FAT2: variants seen among roughly 807,000 people sequenced by gnomAD.
FAT2 encodes the protein protocadherin Fat 2.
A neutral mutation model predicts 295.3 loss-of-function variants in FAT2; 150 were observed. The observed-to-expected ratio is 0.51, with a 90% CI of 0.44 to 0.58. The LOEUF (loss-of-function observed/expected upper bound fraction) is 0.58, where lower values mean the gene tolerates loss of function less well. Among genes scored for constraint, FAT2 ranks in the 20% least tolerant of loss-of-function variants. The probability of loss-of-function intolerance (pLI) is 0.00; values close to 1 mark genes in which losing one functional copy is unlikely to be tolerated. For synonymous variants in FAT2, 2,026 were observed against 2,150.3 expected, an observed-to-expected ratio of 0.94 and a Z score of 1.60; for missense variants, 4,868 against 5,442.7, an observed-to-expected ratio of 0.89 and a Z score of 3.32.
rs752587349 is a variant in FAT2 at position 151,521,392 on chromosome 5, C to T, written c.11201G>A (p.Gly3734Asp). 6.2e-7 allele frequency: 1 copy of T among 1,614,188 alleles called. No homozygotes were observed. The highest frequency in any genetic ancestry group is 8.5e-7 in the Non-Finnish European group (1 of 1,180,030). The stretch of plus-strand genomic sequence containing the variant: ...ATGCACTGTGTTATGGCAGATTTGA[C>T]CCTGGCAGGTTGGCCCCTGGCAGGG... ...MVPCQGPTCQ[G>D]QICHNTVHLD... The change falls in exon 19 of 24, where the codon GGT becomes GAT. Residue 3734 changes from glycine (G) to aspartate (D), a missense_variant. Gly to Asp is a moderately conservative substitution (Grantham distance 94, BLOSUM62 -1). This residue lies in a region of FAT2 where 1,046 missense variants were observed against 1,210.1 expected (regional missense o/e 0.86). Coordinates refer to ENST00000261800, the MANE Select transcript of FAT2 (RefSeq NM_001447.3).
In FAT2 at chr5:151,542,980, A is replaced by G. The variant is rs141268787; in HGVS notation, c.8147T>C (p.Val2716Ala). The G allele has an allele frequency of 1.1e-4, 181 of 1,614,082 alleles. No homozygotes were observed. The highest frequency in any genetic ancestry group is 1.5e-4 in the Non-Finnish European group (174 of 1,180,042). ...EGSEIGIVKA[V>A]AAQDPVIYSL... ...GTAGATGACTGGATCTTGAGCTGCC[A>G]CTGCTTTAACAATCCCAATTTCAGA... Residue 2716 changes from valine to alanine, a missense_variant, in exon 10 of 24, where the codon GTG becomes GCG. Val to Ala is a moderately conservative substitution (Grantham distance 64, BLOSUM62 0). Transcript: ENST00000261800.
rs190200359 is a variant in FAT2 at position 151,531,401 on chromosome 5, A to G, written c.9811+186T>C. Among the ~76,000 whole-genome samples the G allele has an allele frequency of 6.6e-6, 1 of 152,204 alleles. No individual in the cohort carries two copies. Among genetic ancestry groups the G allele is most frequent in the Admixed American group, 6.5e-5 (1 of 15,290 alleles). On this transcript the variant is annotated intron_variant, in intron 14 of 23. Coordinates refer to ENST00000261800, the MANE Select transcript of FAT2 (RefSeq NM_001447.3). This position sits in a 1 kb window ranked among gnomAD's most constrained non-coding sequence, Gnocchi z 5.7. Reference sequence around the variant, plus strand: ...TCCCGTTTAAGGGAGGCTCCCACATAAGCTGGCCCCAGGGTGGAAGGAGGG... The same window carrying G: ...TCCCGTTTAAGGGAGGCTCCCACATGAGCTGGCCCCAGGGTGGAAGGAGGG...
At chr5:151,532,054 G>A (rs2127592260) in intron 13 of FAT2, 84 bp from the exon 14 acceptor site, 2 of 1,530,574 alleles carry the variant, frequency 1.3e-6, no homozygotes, top group Non-Finnish European at 1.8e-6. Flanking sequence ...CCACAGGAGG[G>A]GCTGGGGAGG....
At chr5:151,573,893 A>G (rs925485440) in intron 1 of FAT2, among the ~76,000 whole-genome samples, 1 of 152,152 alleles carries the variant, frequency 6.6e-6, no homozygotes, top group Non-Finnish European at 1.5e-5. Context: ...TTGAACGTGG[A>G]GGGCTCCTCA....
In FAT2 at chr5:151,567,936, G is replaced by A; in HGVS notation, c.996C>T (p.Ser332=). 1 of 1,614,186 alleles carries A rather than the reference G, an allele frequency of 6.2e-7. No individual in the cohort carries two copies. The highest frequency in any genetic ancestry group is 2.2e-5 in the East Asian group (1 of 44,892). ...WMEYLHGFNL[S]LQARSGSGPY... ...GGCCGCTCCCACTCCTGGCCTGGAG[G>A]CTGAGGTTGAACCCATGAAGGTACT... Residue 332 remains serine (S), a synonymous_variant, in exon 2 of 24, where the codon AGC becomes AGT. Coordinates refer to ENST00000261800, the MANE Select transcript of FAT2 (RefSeq NM_001447.3).
intron 1 of FAT2, among the ~76,000 whole-genome samples, chr5:151,578,907 A>T (rs1488189354): frequency 1.3e-5 from 2 of 152,228 alleles, no homozygotes; most frequent in Non-Finnish European, 2.9e-5. Context: ...GAATCCACAT[A>T]TACTCACTCT....
chr5:151,532,056 C>T (rs1754687175), intron 13 of FAT2, 86 bp from the exon 14 acceptor site: 3 of 1,531,436 alleles, frequency 2.0e-6, no homozygotes, highest in South Asian at 2.5e-5. Flanking sequence ...ACAGGAGGGG[C>T]TGGGGAGGGG....
chr5:151,538,944 C>A (rs1219469585), intron 11 of FAT2, among the ~76,000 whole-genome samples: 2 of 152,072 alleles, frequency 1.3e-5, no homozygotes, highest in African/African-American at 4.8e-5. Context: ...CCTCGGCCTC[C>A]CAAAGTGCTT....
Position 151,566,880 on chromosome 5 carries a change from G to C in FAT2, c.2052C>G (p.Leu684=), listed in dbSNP as rs779113991. The C allele has an allele frequency of 1.2e-6, 2 of 1,614,160 alleles. No homozygotes were observed. Among genetic ancestry groups the C allele is most frequent in the Non-Finnish European group, 1.7e-6 (2 of 1,180,028 alleles). The change falls in exon 2 of 24, where the codon CTC becomes CTG. Residue 684 remains leucine, a synonymous_variant. Coordinates refer to ENST00000261800, the MANE Select transcript of FAT2 (RefSeq NM_001447.3). ...CCTGGTTCTGAAGCCCAATAAAGTGGAGGATAGTCTTTGTGAATTGTGTCA... is the reference window on the plus strand; with the variant it reads ...CCTGGTTCTGAAGCCCAATAAAGTGCAGGATAGTCTTTGTGAATTGTGTCA... ...GVLTQFTKTI[L]HFIGLQNQES...
intron 1 of FAT2, among the ~76,000 whole-genome samples, chr5:151,569,525 A>G (rs1758441144): frequency 6.6e-6 from 1 of 152,304 alleles, no homozygotes; most frequent in African/African-American, 2.4e-5. Flanking sequence ...AACACAGCCA[A>G]ACCATATCAG....
intron 5 of FAT2, among the ~76,000 whole-genome samples, chr5:151,553,621 A>G (rs969470078): frequency 2.0e-5 from 3 of 152,364 alleles, no homozygotes; most frequent in East Asian, 3.8e-4. Context: ...CATGGTTAGT[A>G]TAAAAATAAT....
chr5:151,562,260 TTCC>T (rs1367413564), intron 3 of FAT2, among the ~76,000 whole-genome samples: 1 of 152,204 alleles, frequency 6.6e-6, no homozygotes, highest in African/African-American at 2.4e-5. Flanking sequence ...CATTCTTCCT[TTCC>T]TCCAATCTCA....
At position 151,505,349 on chromosome 5, in the gene FAT2, A is replaced by C; in HGVS notation, c.*216T>G. The C allele has an allele frequency of 1.7e-6, 1 of 604,000 alleles. No homozygotes were observed. The highest frequency in any genetic ancestry group is 2.9e-6 in the Non-Finnish European group (1 of 348,454). 37.4% of individuals were successfully genotyped at this position (604,000 alleles called of 1,614,324 possible). A position where few individuals can be genotyped will look rare whatever the true frequency, so the allele number is the denominator to read the frequency against. On this transcript the variant is annotated 3_prime_UTR_variant, in exon 24 of 24. Coordinates refer to ENST00000261800, the MANE Select transcript of FAT2 (RefSeq NM_001447.3). The stretch of plus-strand genomic sequence containing the variant: ...GCTCTAGAAATGCCCCTCTCCTGGG[A>C]CCCTAGTGCTGTTTCTGGAGCTCTA...
intron 1 of FAT2, among the ~76,000 whole-genome samples, chr5:151,572,810 A>T (rs1459586913): frequency 6.6e-6 from 1 of 152,236 alleles, no homozygotes; most frequent in Non-Finnish European, 1.5e-5. Flanking sequence ...GCCCCAACAC[A>T]GCAGGAAGCC....
chr5:151,537,721 A>G, intron 12 of FAT2, 72 bp downstream of exon 12: 1 of 1,442,848 alleles, frequency 6.9e-7, no homozygotes, highest in Non-Finnish European at 9.4e-7. Context: ...TCCAAGGAGA[A>G]TACCATGGCA....
intron 3 of FAT2, among the ~76,000 whole-genome samples, chr5:151,558,059 G>A (rs1428460044): frequency 6.6e-6 from 1 of 152,174 alleles, no homozygotes; most frequent in East Asian, 1.9e-4. Context: ...TGAATTCGGT[G>A]ACCTTTAACA....
intron 1 of FAT2, among the ~76,000 whole-genome samples, chr5:151,582,064 C>T (rs1249379941): frequency 2.6e-5 from 4 of 152,346 alleles, no homozygotes; most frequent in East Asian, 3.9e-4. Context: ...GGCAGTGGGG[C>T]AAGACAGGCT....
intron 20 of FAT2, among the ~76,000 whole-genome samples, chr5:151,515,569 G>T (rs1376181959): frequency 2.0e-5 from 3 of 152,100 alleles, no homozygotes; most frequent in Non-Finnish European, 4.4e-5. Context: ...CCCTTCCCCA[G>T]GCCTGCTGGC....
Position 151,568,836 on chromosome 5 carries a change from G to A in FAT2, c.96C>T (p.His32=). 1.2e-6 allele frequency: 2 copies of A among 1,614,128 alleles called. No homozygotes were observed. The highest frequency in any genetic ancestry group is 1.7e-5 in the Admixed American group (1 of 60,018). Residue 32 remains histidine (H), a synonymous_variant, in exon 2 of 24, where the codon CAC becomes CAT. Transcript: ENST00000261800. The part of the protein sequence containing the change: ...LEGILSSSAW[H]FTHSHYNATI... ...TGGCATTGTAATGGGAGTGTGTGAA[G>A]TGCCAAGCAGAGGAGGAGAGAATCC...
Sources: allele counts gnomAD v4.1 joint callset (sites outside exome capture counted in the v4.1 genomes callset), GRCh38; gene constraint gnomAD v4.1.1; regional missense constraint gnomAD v4.1.1; non-coding constraint Gnocchi (gnomAD v3.1); transcripts MANE v1.5; gene names NCBI Gene and HGNC (gene_info 2026-07-23, HGNC 2026-07-21).